The following TBC1D8 variants were observed in gnomAD, a reference collection of about 807,000 sequenced individuals.
TBC1D8 encodes the protein TBC1 domain family member 8.
A neutral mutation model predicts 118.8 loss-of-function variants in TBC1D8; 65 were observed. That is an observed-to-expected ratio of 0.55 (90% CI 0.45 to 0.67). The LOEUF is 0.67. Among genes scored for constraint, TBC1D8 ranks in the 30% least tolerant of loss-of-function variants. The probability of loss-of-function intolerance (pLI) is 0.00; values close to 1 mark genes in which losing one functional copy is unlikely to be tolerated. For synonymous variants in TBC1D8, 566 were observed against 595.8 expected (o/e 0.95, Z 0.73); for missense variants, 1,376 against 1,471.2 (o/e 0.94, Z 1.06).
chr2:101,044,419 G>C (rs1344759370), intron 5 of TBC1D8, among the ~76,000 whole-genome samples: 1 of 152,236 alleles, frequency 6.6e-6, no homozygotes, highest in East Asian at 1.9e-4. Context: ...TTTCAAAGCA[G>C]ATGTTAGTTT....
chr2:101,025,417 G>A (rs763933457), intron 15 of TBC1D8, among the ~76,000 whole-genome samples: 28 of 152,124 alleles, frequency 1.8e-4, no homozygotes, highest in Non-Finnish European at 3.7e-4. Context: ...AGTAGAGACA[G>A]GTTTTCACGA....
chr2:101,037,852 G>T, intron 7 of TBC1D8, 144 bp from the exon 8 acceptor site: 1 of 976,174 alleles, frequency 1.0e-6, no homozygotes, highest in Non-Finnish European at 1.5e-6. Context: ...ACTGACGCCA[G>T]ACCAGACAGG....
chr2:101,095,250 T>C (rs765545067), intron 1 of TBC1D8, among the ~76,000 whole-genome samples: 31 of 42,380 alleles, frequency 7.3e-4, no homozygotes, highest in Admixed American at 2.4e-3. Flanking sequence ...AGTATTTTCT[T>C]TATTATTATT....
chr2:101,128,765 A>G (rs748352085), intron 1 of TBC1D8, among the ~76,000 whole-genome samples: 2 of 152,234 alleles, frequency 1.3e-5, no homozygotes, highest in Non-Finnish European at 2.9e-5. Context: ...TTAGCCTCAA[A>G]TAATATTCCC....
intron 15 of TBC1D8, among the ~76,000 whole-genome samples, chr2:101,026,517 A>G (rs1007601050): frequency 2.0e-5 from 3 of 152,184 alleles, no homozygotes; most frequent in Non-Finnish European, 2.9e-5. Context: ...GGCCTGCTCC[A>G]TGGCTTCCAA....
At position 101,033,574 on chromosome 2, in the gene TBC1D8, G is replaced by A. The variant is rs1193954937; in HGVS notation, c.1788C>T (p.Ala596=). The A allele has an allele frequency of 1.9e-6, 3 of 1,613,762 alleles. No homozygotes were observed. Among genetic ancestry groups the A allele is most frequent in the African/African-American group, 2.7e-5 (2 of 74,886 alleles). The change falls in exon 10 of 20, where the codon GCC becomes GCT. Residue 596 remains alanine, a synonymous_variant. Transcript: ENST00000409318. ...AGTATCCAATCTTGGGGTTCCGGTG[G>A]GCATAGGCCGTCAAGACTCTCCTCA... ...AALRRVLTAY[A]HRNPKIGYCQ...
chr2:101,131,260 C>T (rs909318030), intron 1 of TBC1D8, among the ~76,000 whole-genome samples: 2 of 152,146 alleles, frequency 1.3e-5, no homozygotes, highest in Non-Finnish European at 2.9e-5. Flanking sequence ...CGCCTGTAAT[C>T]CCAGCACTTT....
At chr2:101,063,961 T>C (rs1332848377) in intron 2 of TBC1D8, among the ~76,000 whole-genome samples, 1 of 151,792 alleles carries the variant, frequency 6.6e-6, no homozygotes, top group Non-Finnish European at 1.5e-5. Flanking sequence ...AAAGTGAGAA[T>C]GTGTCATCCA....
At chr2:101,110,544 T>C (rs1677523622) in intron 1 of TBC1D8, among the ~76,000 whole-genome samples, 1 of 152,158 alleles carries the variant, frequency 6.6e-6, no homozygotes, top group Non-Finnish European at 1.5e-5. Flanking sequence ...ACACAAGCCG[T>C]TAAACAGTGA....
intron 1 of TBC1D8, among the ~76,000 whole-genome samples, chr2:101,116,625 T>C (rs1677831379): frequency 6.6e-6 from 1 of 151,866 alleles, no homozygotes; most frequent in Non-Finnish European, 1.5e-5. Context: ...TGTCAGTTAA[T>C]ATTAATTAAA....
At chr2:101,141,129 C>T (rs1679080301) in intron 1 of TBC1D8, among the ~76,000 whole-genome samples, 1 of 151,960 alleles carries the variant, frequency 6.6e-6, no homozygotes, top group Non-Finnish European at 1.5e-5. Context: ...AGCTCCCTTT[C>T]ACTGACTACC....
intron 3 of TBC1D8, among the ~76,000 whole-genome samples, chr2:101,057,912 G>A (rs1471497280): frequency 1.3e-5 from 2 of 152,184 alleles, no homozygotes; most frequent in Non-Finnish European, 2.9e-5. Context: ...TGAAATCTAG[G>A]AGAGTCAAGG....
chr2:101,116,448 G>A (rs1460745564), intron 1 of TBC1D8, among the ~76,000 whole-genome samples: 3 of 152,122 alleles, frequency 2.0e-5, no homozygotes, highest in South Asian at 2.1e-4. Context: ...ACTGGTCTGC[G>A]TGGAGATTAA....
chr2:101,151,060 G>A (rs1043969216), intron 1 of TBC1D8, 67 bp downstream of exon 1: 11 of 968,336 alleles, frequency 1.1e-5, no homozygotes, highest in African/African-American at 1.8e-5. Context: ...GGGACTGGGG[G>A]CCGCGGGCCC....
intron 1 of TBC1D8, among the ~76,000 whole-genome samples, chr2:101,117,663 T>C (rs1677886762): frequency 6.8e-6 from 1 of 147,040 alleles, no homozygotes; most frequent in African/African-American, 2.5e-5. Flanking sequence ...AAGCTCTGCC[T>C]CCCGGGTTCA....
chr2:101,055,560 GA>G (rs1682373341), intron 3 of TBC1D8, among the ~76,000 whole-genome samples: 1 of 152,088 alleles, frequency 6.6e-6, no homozygotes, highest in Non-Finnish European at 1.5e-5. Flanking sequence ...AGGTCTATGG[GA>G]AAACAAAACA....
In TBC1D8 at chr2:101,079,936, T is replaced by C. The variant is rs548652286; in HGVS notation, c.283+10273A>G. On this transcript the variant is annotated intron_variant, in intron 2 of 19. Coordinates refer to ENST00000409318, the MANE Select transcript of TBC1D8 (RefSeq NM_001330348.2). ...CTCCTGACCTCATGATCCGCCTGCT[T>C]AGGCCTCCCAAAGTGCTGGGATTAC... 2.0e-5 allele frequency among the ~76,000 whole-genome samples: 3 copies of C among 152,190 alleles called. No homozygotes were observed. The South Asian group carries it at 6.2e-4, about 32-fold the overall frequency.
intron 5 of TBC1D8, 142 bp from the exon 6 acceptor site, chr2:101,040,527 T>A: frequency 1.2e-6 from 1 of 805,648 alleles, no homozygotes; most frequent in Non-Finnish European, 1.9e-6. Context: ...TGGAGTGCAG[T>A]GGTGCGAGCT....
intron 2 of TBC1D8, among the ~76,000 whole-genome samples, chr2:101,077,591 C>T (rs987207040): frequency 1.3e-5 from 2 of 152,092 alleles, no homozygotes; most frequent in African/African-American, 4.8e-5. Context: ...AGAATTCACT[C>T]ACTATCTATC....
Sources: gnomAD v4.1 joint callset for allele counts (sites outside exome capture counted in the v4.1 genomes callset) on GRCh38, gnomAD v4.1.1 for gene constraint, MANE v1.5 for transcripts, NCBI Gene and HGNC (gene_info 2026-07-23, HGNC 2026-07-21) for gene names.